Variants in KIAA2012 observed in about 807,000 individuals in gnomAD.
KIAA2012 encodes the protein uncharacterized protein KIAA2012.
Under a neutral mutation model 150.6 loss-of-function variants are expected in KIAA2012, and 125 were observed. That is an observed-to-expected ratio of 0.83 (90% CI 0.72 to 0.96). The LOEUF (loss-of-function observed/expected upper bound fraction) is 0.96. Ranked by LOEUF, KIAA2012 falls within the 40% of genes least tolerant of loss-of-function variation. The pLI is 0.00. For missense variants in KIAA2012, 1,219 were observed against 1,354.9 expected, an observed-to-expected ratio of 0.90 and a Z score of 1.57; for synonymous variants, 462 against 504.7, an observed-to-expected ratio of 0.92 and a Z score of 1.13.
intron 12 of KIAA2012, among the ~76,000 whole-genome samples, chr2:202,130,518 T>C (rs557004416): frequency 6.6e-6 from 1 of 152,336 alleles, no homozygotes; most frequent in East Asian, 1.9e-4. Flanking sequence ...TTTTCTTCTG[T>C]CAGAGTGATC....
intron 14 of KIAA2012, among the ~76,000 whole-genome samples, chr2:202,157,580 A>G (rs1207290518): frequency 6.6e-6 from 1 of 152,308 alleles, no homozygotes; most frequent in African/African-American, 2.4e-5. Context: ...TCTAAATTGT[A>G]TATGCATGCA....
chr2:202,094,944 A>G (rs540470578), intron 4 of KIAA2012, among the ~76,000 whole-genome samples: 7 of 152,336 alleles, frequency 4.6e-5, no homozygotes, highest in African/African-American at 1.7e-4. Context: ...TGTATCAAAT[A>G]GTGATTAAAC....
intron 2 of KIAA2012, among the ~76,000 whole-genome samples, chr2:202,076,003 G>A (rs1173871843): frequency 6.6e-6 from 1 of 152,204 alleles, no homozygotes; most frequent in Admixed American, 6.5e-5. Context: ...CCCCACCCAT[G>A]TGATTAGCTC....
intron 13 of KIAA2012, among the ~76,000 whole-genome samples, chr2:202,148,300 A>G (rs1187478146): frequency 6.6e-6 from 1 of 152,194 alleles, no homozygotes; most frequent in Non-Finnish European, 1.5e-5. Context: ...TCCGAGGCTC[A>G]TGTTTGCTAG....
At chr2:202,102,920 T>TC (rs1411939708) in intron 7 of KIAA2012, 26 bp from the exon 8 acceptor site, 2 of 1,546,224 alleles carry the variant, frequency 1.3e-6, no homozygotes, top group South Asian at 1.2e-5. Flanking sequence ...CCTGCCATGA[T>TC]CGTTTTGTTT....
At chr2:202,145,363 T>C (rs530736419) in intron 13 of KIAA2012, among the ~76,000 whole-genome samples, 1 of 152,336 alleles carries the variant, frequency 6.6e-6, no homozygotes, top group East Asian at 1.9e-4. Flanking sequence ...GGTTCAACCT[T>C]ACCCACAGGA....
At chr2:202,074,531 C>G (rs920164220) in intron 1 of KIAA2012, among the ~76,000 whole-genome samples, 2 of 152,210 alleles carry the variant, frequency 1.3e-5, no homozygotes, top group African/African-American at 4.8e-5. Context: ...AAACTGCCAG[C>G]TAGTCCAGGT....
At chr2:202,117,680 A>G (rs960603591) in intron 11 of KIAA2012, among the ~76,000 whole-genome samples, 2 of 152,226 alleles carry the variant, frequency 1.3e-5, no homozygotes, top group African/African-American at 4.8e-5. Flanking sequence ...TCCTCACAGC[A>G]CATGTCCCGT....
intron 11 of KIAA2012, among the ~76,000 whole-genome samples, chr2:202,120,951 A>G (rs1690640053): frequency 6.6e-6 from 1 of 152,222 alleles, no homozygotes; most frequent in East Asian, 1.9e-4. Context: ...ATGGCTGCCT[A>G]CCCAGAGATT....
rs749854414 is a variant in KIAA2012 at position 202,196,899 on chromosome 2, G to A, written c.3287G>A (p.Arg1096Gln). The change falls in exon 22 of 24, where the codon CGG becomes CAG. Residue 1096 changes from arginine to glutamine, a missense_variant. Transcript: ENST00000498697. ...MAEEERLEYQ[R>Q]RKQEAEEKAR... ...GAAGAGGAACGACTGGAGTACCAGCGGCGGAAACAGGAAGCAGAAGAGAAG... is the reference window on the plus strand; with the variant it reads ...GAAGAGGAACGACTGGAGTACCAGCAGCGGAAACAGGAAGCAGAAGAGAAG... 6.6e-5 allele frequency: 103 copies of A among 1,550,526 alleles called. No homozygotes were observed. The highest frequency in any genetic ancestry group is 7.9e-5 in the Non-Finnish European group (91 of 1,146,964).
chr2:202,083,280 G>A (rs1377427799), intron 2 of KIAA2012, among the ~76,000 whole-genome samples: 3 of 152,242 alleles, frequency 2.0e-5, no homozygotes, highest in Admixed American at 2.0e-4. Flanking sequence ...GGCTGGCTGA[G>A]AGCAGCAGTG....
At chr2:202,154,488 A>G (rs1304323945) in intron 13 of KIAA2012, among the ~76,000 whole-genome samples, 185 bp from the exon 14 acceptor site, 1 of 152,204 alleles carries the variant, frequency 6.6e-6, no homozygotes, top group Non-Finnish European at 1.5e-5. Flanking sequence ...TAATTAATAA[A>G]CAGTCTTGGG....
intron 4 of KIAA2012, 79 bp from the exon 5 acceptor site, chr2:202,097,356 A>G: frequency 6.5e-7 from 1 of 1,531,192 alleles, no homozygotes; most frequent in Non-Finnish European, 8.8e-7. Flanking sequence ...GAGAAGCAAG[A>G]AGGGAGGCAG....
rs150594397 is a variant in KIAA2012 at position 202,145,626 on chromosome 2, C to T, written c.1908+7118C>T. The stretch of plus-strand genomic sequence containing the variant: ...GTAAAAGGATAGTATGATGAACCTC[C>T]ACATACCTATCACAAGCTTTAACAA... On this transcript the variant is annotated intron_variant, in intron 13 of 23. Transcript: ENST00000498697. 1.3e-4 allele frequency among the ~76,000 whole-genome samples: 19 copies of T among 151,352 alleles called. No individual in the cohort carries two copies. The East Asian group carries it at 3.7e-3, about 29-fold the overall frequency.
chr2:202,193,666 C>T (rs959181766), intron 20 of KIAA2012, among the ~76,000 whole-genome samples, 163 bp downstream of exon 20: 2 of 152,220 alleles, frequency 1.3e-5, no homozygotes, highest in African/African-American at 2.4e-5. Context: ...AGGAACAACA[C>T]TCACCAGAGA....
intron 23 of KIAA2012, among the ~76,000 whole-genome samples, chr2:202,203,234 T>C (rs1449943337): frequency 6.6e-6 from 1 of 152,192 alleles, no homozygotes; most frequent in African/African-American, 2.4e-5. Flanking sequence ...TGAAAGAGTT[T>C]AGATAAATGA....
intron 4 of KIAA2012, 80 bp from the exon 5 acceptor site, chr2:202,097,355 G>A: frequency 6.5e-7 from 1 of 1,530,612 alleles, no homozygotes; most frequent in Non-Finnish European, 8.8e-7. Context: ...AGAGAAGCAA[G>A]AAGGGAGGCA....
rs1386475115 is a variant in KIAA2012 at position 202,184,808 on chromosome 2, C to T, written c.2175C>T (p.His725=). The stretch of plus-strand genomic sequence containing the variant: ...CTCCCAGGGCTTCCCGGACTGAGCA[C>T]ATCCAGACCCCAGAAGCAGATATTG... ...LDSPRASRTE[H]IQTPEADIVQ... Residue 725 remains histidine (H), a synonymous_variant, in exon 16 of 24, where the codon CAC becomes CAT. Transcript: ENST00000498697. 7 of 1,549,520 alleles carry T rather than the reference C, an allele frequency of 4.5e-6. No individual in the cohort carries two copies. The highest frequency in any genetic ancestry group is 1.4e-5 in the African/African-American group (1 of 73,044).
In KIAA2012 at chr2:202,110,189, C is replaced by T. The variant is rs1268680370; in HGVS notation, c.1651+400C>T. Among the ~76,000 whole-genome samples the T allele has an allele frequency of 3.9e-5, 6 of 152,294 alleles. No individual in the cohort carries two copies. The East Asian group carries it at 1.2e-3, about 29-fold the overall frequency. On this transcript the variant is annotated intron_variant, in intron 10 of 23. Coordinates refer to ENST00000498697, the MANE Select transcript of KIAA2012 (RefSeq NM_001277372.4). ...AACAGAAGAGTCCCCAGACAGAAGT[C>T]AACTCCAGCCCAGGGCAGAGCCTGT...
Sources: allele counts gnomAD v4.1 joint callset (sites outside exome capture counted in the v4.1 genomes callset), GRCh38; gene constraint gnomAD v4.1.1; transcripts MANE v1.5; gene names NCBI Gene and HGNC (gene_info 2026-07-23, HGNC 2026-07-21).